Variants in DGKB observed in about 807,000 individuals in gnomAD.
DGKB encodes the protein diacylglycerol kinase beta.
A neutral mutation model predicts 114.3 loss-of-function variants in DGKB; 67 were observed. The ratio of observed to expected loss-of-function variants is 0.59; its 90% confidence interval spans 0.48 to 0.72. The LOEUF (loss-of-function observed/expected upper bound fraction) is 0.72, where lower values mean the gene tolerates loss of function less well. DGKB is among the 30% of genes least tolerant of loss of function. The pLI is 0.00. For missense variants in DGKB, 907 were observed against 975.2 expected, an observed-to-expected ratio of 0.93 and a Z score of 0.93; for synonymous variants, 398 against 323.1, an observed-to-expected ratio of 1.23 and a Z score of -2.49.
chr7:14,554,145 T>TA (rs1225525906), intron 20 of DGKB, among the ~76,000 whole-genome samples: 1 of 152,104 alleles, frequency 6.6e-6, no homozygotes. Flanking sequence ...GTGCTGGGAT[T>TA]ACAGGTGTGA....
At position 14,902,628 on chromosome 7, in the gene DGKB, G is replaced by A. The variant is rs1265184305; in HGVS notation, c.-224C>T. 6.6e-6 allele frequency: 1 copy of A among 152,226 alleles called. No individual in the cohort carries two copies. The highest frequency in any genetic ancestry group is 1.9e-4 in the East Asian group (1 of 5,180). 9.4% of individuals were successfully genotyped at this position (152,226 alleles called of 1,614,324 possible). On this transcript the variant is annotated 5_prime_UTR_variant, in exon 1 of 26. Coordinates refer to ENST00000402815, the MANE Select transcript of DGKB (RefSeq NM_001350709.2). Reference sequence around the variant, plus strand: ...GCAGGCGAAAGCTGAGCGCATCTCTGAAGCGAGAGCCACTGCTTTTCCGGA... The same window carrying A: ...GCAGGCGAAAGCTGAGCGCATCTCTAAAGCGAGAGCCACTGCTTTTCCGGA...
chr7:14,891,129 C>T (rs1781161228), intron 1 of DGKB, among the ~76,000 whole-genome samples: 1 of 151,356 alleles, frequency 6.6e-6, no homozygotes, highest in Non-Finnish European at 1.5e-5. Flanking sequence ...GGTACCAGTA[C>T]TCCCACCTTA....
chr7:14,879,048 T>C (rs1312340924), intron 1 of DGKB, among the ~76,000 whole-genome samples: 2 of 151,912 alleles, frequency 1.3e-5, no homozygotes, highest in African/African-American at 4.9e-5. Flanking sequence ...TATAGTAAAT[T>C]AAATACTCAT....
At chr7:14,549,582 T>C (rs1794814164) in intron 20 of DGKB, among the ~76,000 whole-genome samples, 1 of 152,206 alleles carries the variant, frequency 6.6e-6, no homozygotes, top group African/African-American at 2.4e-5. Flanking sequence ...AAACCCATTT[T>C]AAACTTTGTT....
At chr7:14,469,744 A>C (rs1780996168) in intron 21 of DGKB, among the ~76,000 whole-genome samples, 1 of 152,094 alleles carries the variant, frequency 6.6e-6, no homozygotes, top group Admixed American at 6.6e-5. Flanking sequence ...CATACAAATA[A>C]AAATATATGA....
intron 9 of DGKB, among the ~76,000 whole-genome samples, chr7:14,688,213 T>A (rs1379890264): frequency 6.6e-6 from 1 of 152,190 alleles, no homozygotes; most frequent in Non-Finnish European, 1.5e-5. Flanking sequence ...CTATTAGTCC[T>A]TCCACTGCAA....
chr7:14,892,461 G>A (rs1455685280), intron 1 of DGKB, among the ~76,000 whole-genome samples: 3 of 151,116 alleles, frequency 2.0e-5, no homozygotes, highest in Non-Finnish European at 4.4e-5. Context: ...GTAGATGGTG[G>A]TAATGTAATC....
intron 21 of DGKB, among the ~76,000 whole-genome samples, chr7:14,423,017 G>A (rs1826953772): frequency 6.6e-6 from 1 of 151,882 alleles, no homozygotes; most frequent in African/African-American, 2.4e-5. Context: ...TGGCAGTGCT[G>A]GGACTCAAAT....
intron 23 of DGKB, among the ~76,000 whole-genome samples, chr7:14,267,290 CA>C (rs974600342): frequency 1.3e-5 from 2 of 151,882 alleles, no homozygotes; most frequent in Non-Finnish European, 2.9e-5. Flanking sequence ...ACTAGCTATT[CA>C]GCTACAAAAA....
At chr7:14,531,870 A>T (rs1360276821) in intron 20 of DGKB, among the ~76,000 whole-genome samples, 2 of 151,334 alleles carry the variant, frequency 1.3e-5, no homozygotes, top group African/African-American at 2.4e-5. Flanking sequence ...AAAATACTCA[A>T]TATTTATGGT....
chr7:14,621,899 T>G (rs762399691), intron 14 of DGKB, among the ~76,000 whole-genome samples: 1 of 152,160 alleles, frequency 6.6e-6, no homozygotes, highest in Non-Finnish European at 1.5e-5. Context: ...GAAAATTATT[T>G]TTAATTGCAT....
At chr7:14,388,462 G>A (rs934680757) in intron 21 of DGKB, among the ~76,000 whole-genome samples, 2 of 148,470 alleles carry the variant, frequency 1.3e-5, no homozygotes, top group African/African-American at 4.9e-5. Flanking sequence ...ATATATCTAA[G>A]TAAAAAAGAC....
intron 4 of DGKB, among the ~76,000 whole-genome samples, chr7:14,738,023 C>T (rs1229602282): frequency 1.3e-5 from 2 of 152,104 alleles, no homozygotes; most frequent in Admixed American, 6.5e-5. Context: ...AAGCAATTTG[C>T]TACAATGAAT....
At chr7:14,563,673 G>A (rs1469901949) in intron 20 of DGKB, among the ~76,000 whole-genome samples, 3 of 146,786 alleles carry the variant, frequency 2.0e-5, no homozygotes, top group African/African-American at 7.5e-5. Flanking sequence ...TTGGTTCTTG[G>A]TGGTTTAATT....
chr7:14,536,688 G>T (rs972228357), intron 20 of DGKB, among the ~76,000 whole-genome samples: 3 of 152,012 alleles, frequency 2.0e-5, no homozygotes, highest in African/African-American at 4.8e-5. Flanking sequence ...ACACAATAAT[G>T]GTCACATATG....
At chr7:14,537,508 T>C (rs1480971633) in intron 20 of DGKB, among the ~76,000 whole-genome samples, 2 of 152,266 alleles carry the variant, frequency 1.3e-5, no homozygotes, top group Middle Eastern at 3.4e-3. Flanking sequence ...TGATATTTGA[T>C]GAAGATGCCA....
At chr7:14,370,385 C>T in intron 21 of DGKB, among the ~76,000 whole-genome samples, 1 of 152,020 alleles carries the variant, frequency 6.6e-6, no homozygotes, top group Admixed American at 6.6e-5. Flanking sequence ...GTTATTTTTG[C>T]TTAGAATTGT....
chr7:14,470,117 C>G (rs948941608), intron 21 of DGKB, among the ~76,000 whole-genome samples: 19 of 151,924 alleles, frequency 1.3e-4, no homozygotes, highest in African/African-American at 4.6e-4. Context: ...TCTTTAAAAA[C>G]ACATCAATTC....
intron 21 of DGKB, among the ~76,000 whole-genome samples, chr7:14,363,763 A>G (rs772022907): frequency 6.6e-6 from 1 of 152,130 alleles, no homozygotes; most frequent in Non-Finnish European, 1.5e-5. Context: ...CATTCAGGAA[A>G]TAGAAGCAAA....
Sources: allele counts gnomAD v4.1 joint callset (sites outside exome capture counted in the v4.1 genomes callset), GRCh38; gene constraint gnomAD v4.1.1; transcripts MANE v1.5; gene names NCBI Gene and HGNC (gene_info 2026-07-23, HGNC 2026-07-21).